LPIN1: variants seen among roughly 807,000 people sequenced by gnomAD.
LPIN1 encodes phosphatidate phosphatase LPIN1.
In LPIN1, 71 loss-of-function variants were observed where a neutral mutation model predicts 107.5. That is an observed-to-expected ratio of 0.66 (90% confidence interval 0.55 to 0.80). The LOEUF is 0.80. Ranked by LOEUF, LPIN1 falls within the 30% of genes least tolerant of loss-of-function variation. The pLI is 0.00. For missense variants in LPIN1, 1,043 were observed against 1,160.6 expected (o/e 0.90, Z 1.47); for synonymous variants, 445 against 452.6 (o/e 0.98, Z 0.21).
intron 3 of LPIN1, among the ~76,000 whole-genome samples, chr2:11,770,082 T>C (rs1204711534): frequency 6.6e-6 from 1 of 152,238 alleles, no homozygotes; most frequent in Non-Finnish European, 1.5e-5. Context: ...TACTAATTGG[T>C]TCCTAATGGC....
At chr2:11,807,439 A>AT (rs2148707390) in intron 17 of LPIN1, among the ~76,000 whole-genome samples, 1 of 151,956 alleles carries the variant, frequency 6.6e-6, no homozygotes, top group East Asian at 1.9e-4. Context: ...TGCACAGCTG[A>AT]TTCATTTGGT....
Position 11,765,503 on chromosome 2 carries a change from T to C in LPIN1, c.-9-30T>C, listed in dbSNP as rs1478337163. The C allele has an allele frequency of 6.5e-7, 1 of 1,542,588 alleles. No individual in the cohort carries two copies. Among genetic ancestry groups the C allele is most frequent in the Non-Finnish European group, 8.7e-7 (1 of 1,145,232 alleles). Reference sequence around the variant, plus strand: ...CTCTTCCTTGGATTAATTGTGTGTCTGTGTGTGTTTTTTTTTGTCTGTTTT... The same window carrying C: ...CTCTTCCTTGGATTAATTGTGTGTCCGTGTGTGTTTTTTTTTGTCTGTTTT... On this transcript the variant is annotated intron_variant, in intron 1 of 20. Coordinates refer to ENST00000674199, the MANE Select transcript of LPIN1 (RefSeq NM_001349206.2). The surrounding 1 kb of genome is among the most constrained non-coding windows in gnomAD (Gnocchi z 4.4).
chr2:11,763,461 G>T (rs1403371767), intron 1 of LPIN1, among the ~76,000 whole-genome samples: 2 of 152,162 alleles, frequency 1.3e-5, no homozygotes, highest in Non-Finnish European at 2.9e-5. Flanking sequence ...GCGGCAGCTC[G>T]CAGTCCAGCT....
At chr2:11,746,594 C>G (rs1192777939), upstream of LPIN1, 19 of 983,894 alleles carry the variant, frequency 1.9e-5, no homozygotes, top group South Asian at 4.2e-4. Context: ...TGCCCCGCCC[C>G]CGAAGGCGAG....
intron 17 of LPIN1, among the ~76,000 whole-genome samples, chr2:11,814,064 G>A (rs904336538): frequency 1.3e-4 from 20 of 152,172 alleles, no homozygotes; most frequent in African/African-American, 4.6e-4. Flanking sequence ...TGTGGGGGGT[G>A]TGGAGAAATG....
In LPIN1 at chr2:11,728,130, A is replaced by G. The variant is rs1572430028; in HGVS notation, c.-72+3591A>G. Among the ~76,000 whole-genome samples the G allele has an allele frequency of 2.0e-5, 3 of 152,276 alleles. No homozygotes were observed. In the South Asian group the frequency reaches 6.2e-4, roughly 32 times the overall value. On this transcript the variant is annotated intron_variant, in intron 1 of 21. Coordinates refer to the LPIN1 transcript ENST00000396097. ...CAGTCTGCATGCCATCTTTACTACCACATCCCATTTGGTTTTTAACATTTA... is the reference window on the plus strand; with the variant it reads ...CAGTCTGCATGCCATCTTTACTACCGCATCCCATTTGGTTTTTAACATTTA...
At chr2:11,713,549 G>T (rs894338844) in intron 1 of LPIN1, among the ~76,000 whole-genome samples, 1 of 152,146 alleles carries the variant, frequency 6.6e-6, no homozygotes, top group Non-Finnish European at 1.5e-5. Context: ...GGGATTACAG[G>T]CATGAGCCAC....
At chr2:11,804,635 C>T in intron 16 of LPIN1, 64 bp downstream of exon 16, 1 of 1,553,144 alleles carries the variant, frequency 6.4e-7, no homozygotes, top group Non-Finnish European at 8.9e-7. Flanking sequence ...GTCTCTGGGC[C>T]TGGTGTTGGC....
At chr2:11,783,019 T>G (rs2148657633) in intron 8 of LPIN1, among the ~76,000 whole-genome samples, 1 of 152,360 alleles carries the variant, frequency 6.6e-6, no homozygotes, top group African/African-American at 2.4e-5. Flanking sequence ...CTTTCTCTCC[T>G]CGGCGCTTGG....
Position 11,826,843 on chromosome 2 carries a change from C to G in LPIN1, c.*2052C>G, listed in dbSNP as rs563773982. ...CCGAATTTTGATGTACCTTAAACTT[C>G]CACATCACTGCACCCTGAAACAGAG... On this transcript the variant is annotated 3_prime_UTR_variant, in exon 21 of 21. Transcript: ENST00000674199. 2.0e-5 allele frequency: 3 copies of G among 152,372 alleles called. No homozygotes were observed. The highest frequency in any genetic ancestry group is 7.2e-5 in the African/African-American group (3 of 41,572). The allele number at this position is 152,372 out of a possible 1,614,324, so 9.4% of individuals were successfully genotyped here. A position where few individuals can be genotyped will look rare whatever the true frequency, so the allele number is the denominator to read the frequency against.
At chr2:11,768,351 T>C (rs1671267044) in intron 3 of LPIN1, among the ~76,000 whole-genome samples, 1 of 152,208 alleles carries the variant, frequency 6.6e-6, no homozygotes, top group African/African-American at 2.4e-5. Flanking sequence ...TAGAACCTTT[T>C]CATCAACCCC....
chr2:11,792,778 C>T (rs1675998738), intron 13 of LPIN1, among the ~76,000 whole-genome samples: 1 of 152,152 alleles, frequency 6.6e-6, no homozygotes, highest in African/African-American at 2.4e-5. Flanking sequence ...ATGGCTTTGG[C>T]GTTCATGTCT....
At position 11,820,107 on chromosome 2, in the gene LPIN1, C is replaced by T. The variant is rs75773884; in HGVS notation, c.2518-304C>T. Among the ~76,000 whole-genome samples the T allele has an allele frequency of 0.013, 1,929 of 152,194 alleles. 51 individuals carry two copies. The highest frequency in any genetic ancestry group is 0.044 in the African/African-American group (1,822 of 41,524). ...CAGAAAGTCCTACTTTTGAAAGTTA[C>T]GAGAGATTTTCATGAAGTAGGAATA... On this transcript the variant is annotated intron_variant, in intron 19 of 20. Transcript: ENST00000674199.
intron 1 of LPIN1, among the ~76,000 whole-genome samples, chr2:11,725,907 A>G (rs1264770711): frequency 6.6e-6 from 1 of 152,208 alleles, no homozygotes; most frequent in Non-Finnish European, 1.5e-5. Flanking sequence ...GACATTTAAG[A>G]GATAAAGCTA....
chr2:11,711,686 G>C (rs907396403), intron 1 of LPIN1, among the ~76,000 whole-genome samples: 1 of 152,142 alleles, frequency 6.6e-6, no homozygotes, highest in East Asian at 1.9e-4. Context: ...CCATCATGTG[G>C]TTGTGTTCAG....
chr2:11,707,931 A>T lies in LPIN1; in HGVS notation c.82-5825A>T, dbSNP rs1219883537. Among the ~76,000 whole-genome samples, 3 of 152,236 alleles carry T rather than the reference A, an allele frequency of 2.0e-5. No individual in the cohort carries two copies. The highest frequency in any genetic ancestry group is 2.0e-4 in the Admixed American group (3 of 15,300). On this transcript the variant is annotated intron_variant, in intron 1 of 21. Transcript: ENST00000449576. The surrounding 1 kb of genome is among the most constrained non-coding windows in gnomAD (Gnocchi z 4.2). The stretch of plus-strand genomic sequence containing the variant: ...AGGCCCCTTAGAGAAGCCTGGCTGG[A>T]CTTCAGGAGTTTCATGTGAGAAAAT...
intron 12 of LPIN1, 184 bp from the exon 13 acceptor site, chr2:11,791,730 A>G (rs1336482957): frequency 2.1e-6 from 3 of 1,453,948 alleles, no homozygotes; most frequent in Non-Finnish European, 9.2e-7. Context: ...AGTTACCTTC[A>G]TGTAATTTTG....
At chr2:11,748,438 T>G (rs1021125652) in intron 1 of LPIN1, among the ~76,000 whole-genome samples, 1 of 152,220 alleles carries the variant, frequency 6.6e-6, no homozygotes, top group Non-Finnish European at 1.5e-5. Context: ...GAGCCTCAGT[T>G]TTCCCATCTG....
chr2:11,709,026 G>A (rs1442861208), intron 1 of LPIN1, among the ~76,000 whole-genome samples: 1 of 152,088 alleles, frequency 6.6e-6, no homozygotes, highest in African/African-American at 2.4e-5. Flanking sequence ...ATGGTAAGTG[G>A]TGAAGCCAGC....
Sources: allele counts gnomAD v4.1 joint callset (sites outside exome capture counted in the v4.1 genomes callset), GRCh38; gene constraint gnomAD v4.1.1; non-coding constraint Gnocchi (gnomAD v3.1); transcripts MANE v1.5; gene names NCBI Gene and HGNC (gene_info 2026-07-23, HGNC 2026-07-21).